The following XRCC4 variants were observed in gnomAD, a reference collection of about 807,000 sequenced individuals.
The protein encoded by XRCC4 is DNA repair protein XRCC4.
A neutral mutation model predicts 39.1 loss-of-function variants in XRCC4; 28 were observed. The observed-to-expected ratio is 0.72, with a 90% CI of 0.53 to 0.98. XRCC4 has a LOEUF of 0.98. XRCC4 is among the 50% of genes least tolerant of loss of function. XRCC4 has a pLI of 0.00. For synonymous variants in XRCC4, 123 were observed against 126.4 expected (o/e 0.97, Z 0.18); for missense variants, 350 against 376.4 (o/e 0.93, Z 0.58).
Position 83,204,797 on chromosome 5 carries a change from A to C in XRCC4, c.639-18A>C, listed in dbSNP as rs921101939. 2 of 1,595,402 alleles carry C rather than the reference A, an allele frequency of 1.3e-6. No individual in the cohort carries two copies. The highest frequency in any genetic ancestry group is 1.7e-6 in the Non-Finnish European group (2 of 1,166,700). The stretch of plus-strand genomic sequence containing the variant: ...GGGTGAGCCAGTTATTTATAATTCT[A>C]CCTTTCTCTGTTTCTAGGGAAACTG... On this transcript the variant is annotated intron_variant, in intron 5 of 7. Coordinates refer to ENST00000396027, the MANE Select transcript of XRCC4 (RefSeq NM_003401.5).
intron 3 of XRCC4, among the ~76,000 whole-genome samples, chr5:83,129,361 C>G (rs1747442361): frequency 6.6e-6 from 1 of 151,792 alleles, no homozygotes; most frequent in Non-Finnish European, 1.5e-5. Context: ...CAGTACCATG[C>G]TGTTTTGGTT....
rs28360075 is a variant in XRCC4, at chr5:83,142,755, A to G, written c.315+31552A>G. On this transcript the variant is annotated intron_variant, in intron 3 of 7. Transcript: ENST00000396027. ...AAAGGAACCCGTTCTGTAGATGGCA[A>G]CTATGTAGATGACATCTCAGAGTCA... Among the ~76,000 whole-genome samples, 843 of 152,294 alleles carry G rather than the reference A, an allele frequency of 5.5e-3. 7 individuals are homozygous for G. Among genetic ancestry groups the G allele is most frequent in the African/African-American group, 0.019 (809 of 41,574 alleles).
chr5:83,162,870 C>G (rs1450776941), intron 3 of XRCC4, among the ~76,000 whole-genome samples: 2 of 151,354 alleles, frequency 1.3e-5, no homozygotes, highest in Admixed American at 6.6e-5. Context: ...TTTGGAGTCT[C>G]TCAGGTCTGG....
At chr5:83,174,416 A>G (rs2112629335) in intron 3 of XRCC4, among the ~76,000 whole-genome samples, 1 of 152,266 alleles carries the variant, frequency 6.6e-6, no homozygotes, top group South Asian at 2.1e-4. Flanking sequence ...ATGTATCTTA[A>G]TATAGACTAT....
intron 3 of XRCC4, among the ~76,000 whole-genome samples, chr5:83,171,574 C>T (rs143057101): frequency 6.1e-4 from 93 of 152,266 alleles, no homozygotes; most frequent in African/African-American, 2.2e-3. Flanking sequence ...TCTACTACCA[C>T]TACCTAATAG....
intron 3 of XRCC4, among the ~76,000 whole-genome samples, chr5:83,136,833 A>G (rs1391100282): frequency 3.9e-5 from 6 of 152,152 alleles, no homozygotes; most frequent in Non-Finnish European, 7.4e-5. Flanking sequence ...TTATTATGAA[A>G]TTCAGTCAAA....
Position 83,109,319 on chromosome 5 carries a change from A to G in XRCC4, c.140-1709A>G, listed in dbSNP as rs192452387. On this transcript the variant is annotated intron_variant, in intron 2 of 7. Coordinates refer to ENST00000396027, the MANE Select transcript of XRCC4 (RefSeq NM_003401.5). ...TCACCTCAAAATAAAACATGCAGAG[A>G]GATATGAGTATTAATCCCAGCTTCA... 3.3e-5 allele frequency among the ~76,000 whole-genome samples: 5 copies of G among 152,060 alleles called. No homozygotes were observed. In the East Asian group the frequency reaches 9.6e-4, roughly 29 times the overall value.
chr5:83,270,653 C>A (rs1215801976), intron 7 of XRCC4, among the ~76,000 whole-genome samples: 1 of 152,010 alleles, frequency 6.6e-6, no homozygotes, highest in Admixed American at 6.6e-5. Flanking sequence ...TATTCCAGTG[C>A]CTTCCCATTG....
At chr5:83,154,427 A>G (rs577914246) in intron 3 of XRCC4, among the ~76,000 whole-genome samples, 10 of 152,200 alleles carry the variant, frequency 6.6e-5, no homozygotes, top group Non-Finnish European at 1.5e-4. Context: ...TGGATTCCTG[A>G]TGCTAAACTG....
rs189337714 is a variant in XRCC4, at chr5:83,316,331, G to C, written c.894-36800G>C. On this transcript the variant is annotated intron_variant, in intron 7 of 7. Coordinates refer to ENST00000396027, the MANE Select transcript of XRCC4 (RefSeq NM_003401.5). ...ATCACCAGCTAACATCATAATGACA[G>C]GTTCAAATTCACACATAACAATATT... 2.0e-5 allele frequency among the ~76,000 whole-genome samples: 3 copies of C among 152,200 alleles called. 1 individual carries two copies. The highest frequency in any genetic ancestry group is 2.0e-4 in the Admixed American group (3 of 15,270).
chr5:83,128,539 G>T (rs967141084), intron 3 of XRCC4, among the ~76,000 whole-genome samples: 1 of 152,156 alleles, frequency 6.6e-6, no homozygotes, highest in African/African-American at 2.4e-5. Context: ...GATCCTTGAG[G>T]AATCACCACA....
At chr5:83,236,867 T>TG (rs1752710093) in intron 6 of XRCC4, among the ~76,000 whole-genome samples, 1 of 141,282 alleles carries the variant, frequency 7.1e-6, no homozygotes, top group African/African-American at 2.6e-5. Context: ...ACTCAATAGG[T>TG]GAAAAAAAAA....
rs1425633635 is a variant in XRCC4 at position 83,187,100 on chromosome 5, C to T, written c.316-8670C>T. ...CCGGGACCACAGGCGCCCGCCACCA[C>T]GCCCGGCTAATTTTTTGTATTTTTA... On this transcript the variant is annotated intron_variant, in intron 3 of 7. Coordinates refer to ENST00000396027, the MANE Select transcript of XRCC4 (RefSeq NM_003401.5). Among the ~76,000 whole-genome samples, 2 of 107,320 alleles carry T rather than the reference C, an allele frequency of 1.9e-5. 1 individual carries two copies. Among genetic ancestry groups the T allele is most frequent in the African/African-American group, 8.0e-5 (2 of 24,950 alleles). The allele number at this position is 107,320 out of a possible 152,430, so 70.4% of individuals were successfully genotyped here.
chr5:83,341,660 C>T (rs898611502), intron 7 of XRCC4, among the ~76,000 whole-genome samples: 2 of 152,042 alleles, frequency 1.3e-5, no homozygotes, highest in African/African-American at 2.4e-5. Context: ...ATGACCCCCC[C>T]ACTCCCATTA....
At chr5:83,177,949 T>A (rs771657544) in intron 3 of XRCC4, among the ~76,000 whole-genome samples, 2 of 152,166 alleles carry the variant, frequency 1.3e-5, no homozygotes, top group African/African-American at 2.4e-5. Context: ...GTTGGAAGGC[T>A]GTCACAGTAA....
At chr5:83,142,308 TCTCAGTGGTGTTTAGATGAGGAAACTAAC>T (rs1748218271) in intron 3 of XRCC4, among the ~76,000 whole-genome samples, 1 of 42,724 alleles carries the variant, frequency 2.3e-5, no homozygotes, top group Non-Finnish European at 4.9e-5. Flanking sequence ...GGAAACTAAC[TCTCAGTGGTGTTTAGATGAGGAAACTAAC>T]TCTCAGTGGT....
intron 6 of XRCC4, among the ~76,000 whole-genome samples, chr5:83,253,168 AAAAGT>A (rs2112880294): frequency 6.6e-6 from 1 of 152,308 alleles, no homozygotes. Flanking sequence ...AGTACAGAAC[AAAAGT>A]AAAGGTATTG....
chr5:83,330,608 G>A (rs1756407454), intron 7 of XRCC4, among the ~76,000 whole-genome samples: 1 of 151,894 alleles, frequency 6.6e-6, no homozygotes, highest in South Asian at 2.1e-4. Flanking sequence ...GAGAGGCAGG[G>A]GGAGCAGATT....
chr5:83,284,052 C>CA (rs766161565), intron 7 of XRCC4, among the ~76,000 whole-genome samples: 320 of 16,106 alleles, frequency 0.02, 36 homozygotes, highest in Non-Finnish European at 0.028. Flanking sequence ...CAACCCAGAG[C>CA]AAAAAAAAAA....
Sources: allele counts gnomAD v4.1 joint callset (sites outside exome capture counted in the v4.1 genomes callset), GRCh38; gene constraint gnomAD v4.1.1; transcripts MANE v1.5; gene names NCBI Gene and HGNC (gene_info 2026-07-23, HGNC 2026-07-21).